ANKRD16: variants seen among roughly 807,000 people sequenced by gnomAD.
ANKRD16 encodes the protein ankyrin repeat domain-containing protein 16.
Under a neutral mutation model 37.9 loss-of-function variants are expected in ANKRD16, and 35 were observed. The ratio of observed to expected loss-of-function variants is 0.92; its 90% CI spans 0.71 to 1.23. The LOEUF (loss-of-function observed/expected upper bound fraction) is 1.23, where lower values mean the gene tolerates loss of function less well. Among genes scored for constraint, ANKRD16 ranks in the 50% most tolerant of loss-of-function variants. ANKRD16 has a pLI of 0.00. For missense variants in ANKRD16, 480 were observed against 469.9 expected (o/e 1.02, Z -0.20); for synonymous variants, 206 against 197.2 (o/e 1.04, Z -0.37).
intron 7 of ANKRD16, among the ~76,000 whole-genome samples, chr10:5,867,441 G>T (rs1367374426): frequency 1.3e-5 from 2 of 152,194 alleles, no homozygotes; most frequent in African/African-American, 4.8e-5. Flanking sequence ...TTGGCACTCA[G>T]CCAAACTTTA....
At chr10:5,872,428 G>A (rs1409091765) in intron 7 of ANKRD16, among the ~76,000 whole-genome samples, 1 of 152,052 alleles carries the variant, frequency 6.6e-6, no homozygotes, top group East Asian at 1.9e-4. Flanking sequence ...GCAGTGAGCC[G>A]AGATTACGCC....
rs930739182 is a variant in ANKRD16 at position 5,870,460 on chromosome 10, A to G, written c.*33+7637T>C. On this transcript the variant is annotated intron_variant, in intron 7 of 7. Coordinates refer to ENST00000380094, the MANE Select transcript of ANKRD16 (RefSeq NM_019046.3). The surrounding 1 kb of genome is among the most constrained non-coding windows in gnomAD (Gnocchi z 5.0). ...GCTCTGTCACCCAGGCTGGAATACA[A>G]AAGTGCAATCATAGCTCACTGCAGC... 3.3e-5 allele frequency among the ~76,000 whole-genome samples: 5 copies of G among 151,526 alleles called. No individual in the cohort carries two copies. Among genetic ancestry groups the G allele is most frequent in the Admixed American group, 2.0e-4 (3 of 15,232 alleles).
Position 5,889,438 on chromosome 10 carries a change from A to G in ANKRD16, c.-84T>C. 9.9e-7 allele frequency: 1 copy of G among 1,007,722 alleles called. No individual in the cohort carries two copies. 62.4% of individuals were successfully genotyped at this position (1,007,722 alleles called of 1,614,324 possible). A position where few individuals can be genotyped will look rare whatever the true frequency, so the allele number is the denominator to read the frequency against. ...CAGGGAGAAGCCGAGGGCGAGTGGG[A>G]CTTTCCGCCTCTTCACGCAACCTGC... On this transcript the variant is annotated 5_prime_UTR_variant, in exon 1 of 8. Coordinates refer to ENST00000380094, the MANE Select transcript of ANKRD16 (RefSeq NM_019046.3).
At chr10:5,886,275 C>A (rs992374794) in intron 2 of ANKRD16, among the ~76,000 whole-genome samples, 17 of 152,160 alleles carry the variant, frequency 1.1e-4, no homozygotes, top group African/African-American at 3.6e-4. Context: ...TTTCTACTTA[C>A]TTAAGAAGTT....
rs975222646 is a variant in ANKRD16 at position 5,871,808 on chromosome 10, A to G, written c.*33+6289T>C. On this transcript the variant is annotated intron_variant, in intron 7 of 7. Coordinates refer to ENST00000380094, the MANE Select transcript of ANKRD16 (RefSeq NM_019046.3). This position sits in a 1 kb window ranked among gnomAD's most constrained non-coding sequence, Gnocchi z 4.5. ...CTTTCCCAGTCTGTAAACATGCCAC[A>G]TGCTCATCCCCTCACTCACCCTCTC... Among the ~76,000 whole-genome samples the G allele has an allele frequency of 5.3e-5, 8 of 151,984 alleles. No homozygotes were observed. Among genetic ancestry groups the G allele is most frequent in the African/African-American group, 1.9e-4 (8 of 41,356 alleles).
At chr10:5,879,327 A>G (rs1412723528) in intron 6 of ANKRD16, among the ~76,000 whole-genome samples, 1 of 152,102 alleles carries the variant, frequency 6.6e-6, no homozygotes, top group Non-Finnish European at 1.5e-5. Flanking sequence ...TACAAAAATT[A>G]GCTGGGCATG....
In ANKRD16 at chr10:5,863,524, C is replaced by T. The variant is rs1364131648; in HGVS notation, c.*34-833G>A. 6.6e-6 allele frequency among the ~76,000 whole-genome samples: 1 copy of T among 152,078 alleles called. No homozygotes were observed. Among genetic ancestry groups the T allele is most frequent in the Non-Finnish European group, 1.5e-5 (1 of 68,026 alleles). On this transcript the variant is annotated intron_variant, in intron 7 of 7. Transcript: ENST00000380094. The surrounding 1 kb of genome is among the most constrained non-coding windows in gnomAD (Gnocchi z 4.7). ...ACGCTGTAAAGTGGACCAATCAGCA[C>T]TCTGTAAAATGGACCAATCAGCAGG...
Position 5,863,810 on chromosome 10 carries a change from A to G in ANKRD16, c.*34-1119T>C, listed in dbSNP as rs1467311203. ...CAACTCTGGATGCACCATCTTTAAG[A>G]CTGTAACACTCACTGCGAGGTCCAC... On this transcript the variant is annotated intron_variant, in intron 7 of 7. Transcript: ENST00000380094. The surrounding 1 kb of genome is among the most constrained non-coding windows in gnomAD (Gnocchi z 4.7). Among the ~76,000 whole-genome samples, 1 of 152,142 alleles carries G rather than the reference A, an allele frequency of 6.6e-6. No homozygotes were observed. The highest frequency in any genetic ancestry group is 6.5e-5 in the Admixed American group (1 of 15,280).
Position 5,879,934 on chromosome 10 carries a change from A to G in ANKRD16, c.928+364T>C, listed in dbSNP as rs1165951684. Among the ~76,000 whole-genome samples the G allele has an allele frequency of 2.0e-5, 3 of 152,192 alleles. No individual in the cohort carries two copies. In the East Asian group the frequency reaches 5.8e-4, roughly 29 times the overall value. ...AGCACTTTGGGAGGCCAAGGCAGGT[A>G]GATTGTTTGAGGTCAGGAGTTCAAG... On this transcript the variant is annotated intron_variant, in intron 6 of 7. Transcript: ENST00000380094.
At chr10:5,888,762 G>A (rs1457988702) in intron 1 of ANKRD16, among the ~76,000 whole-genome samples, 3 of 152,220 alleles carry the variant, frequency 2.0e-5, no homozygotes, top group Non-Finnish European at 4.4e-5. Context: ...TCATTGTTTG[G>A]TAACATTCTC....
At position 5,863,122 on chromosome 10, in the gene ANKRD16, TC is replaced by T. The variant is rs1485354345; in HGVS notation, c.*34-432del. On this transcript the variant is annotated intron_variant, in intron 7 of 7. Coordinates refer to ENST00000380094, the MANE Select transcript of ANKRD16 (RefSeq NM_019046.3). The surrounding 1 kb of genome is among the most constrained non-coding windows in gnomAD (Gnocchi z 4.7). ...CTCCATGGGCTTTCAACACGAGGCCTCCCCAACGCAGTGTCCACACCAGCAT... is the reference window on the plus strand; with the variant it reads ...CTCCATGGGCTTTCAACACGAGGCCTCCCAACGCAGTGTCCACACCAGCAT... 1.3e-5 allele frequency among the ~76,000 whole-genome samples: 2 copies of T among 151,880 alleles called. No individual in the cohort carries two copies. The highest frequency in any genetic ancestry group is 2.9e-5 in the Non-Finnish European group (2 of 67,992).
chr10:5,880,094 G>A (rs1842264801), intron 6 of ANKRD16, among the ~76,000 whole-genome samples: 1 of 148,452 alleles, frequency 6.7e-6, no homozygotes, highest in African/African-American at 2.5e-5. Flanking sequence ...GGAGGTGGAT[G>A]TTGCAGAGAG....
chr10:5,871,042 C>G lies in ANKRD16; in HGVS notation c.*33+7055G>C, dbSNP rs114492447. On this transcript the variant is annotated intron_variant, in intron 7 of 7. Coordinates refer to ENST00000380094, the MANE Select transcript of ANKRD16 (RefSeq NM_019046.3). The surrounding 1 kb of genome is among the most constrained non-coding windows in gnomAD (Gnocchi z 4.5). ...GCCAATCAAGTCCCTGTCGTCACCA[C>G]GATTGGCAGAGGCCAGCCCTCACTC... 6.6e-6 allele frequency among the ~76,000 whole-genome samples: 1 copy of G among 152,196 alleles called. No homozygotes were observed. The highest frequency in any genetic ancestry group is 6.5e-5 in the Admixed American group (1 of 15,288).
chr10:5,877,765 C>T (rs973305090), intron 7 of ANKRD16, among the ~76,000 whole-genome samples: 3 of 152,184 alleles, frequency 2.0e-5, no homozygotes, highest in African/African-American at 7.2e-5. Flanking sequence ...TAAGATATTT[C>T]ATATGTTTGT....
chr10:5,889,506 G>T lies in ANKRD16; in HGVS notation c.-152C>A. The stretch of plus-strand genomic sequence containing the variant: ...CGGCAGAACCGCCCCTCACGCCCCC[G>T]GCTTTGTCCCCGGCAGAGCCGCCTC... On this transcript the variant is annotated 5_prime_UTR_variant, in exon 1 of 8. Coordinates refer to ENST00000380094, the MANE Select transcript of ANKRD16 (RefSeq NM_019046.3). The T allele has an allele frequency of 2.2e-6, 1 of 454,698 alleles. No homozygotes were observed. Among genetic ancestry groups the T allele is most frequent in the Non-Finnish European group, 3.2e-6 (1 of 313,040 alleles). 28.2% of individuals were successfully genotyped at this position (454,698 alleles called of 1,614,324 possible). A position where few individuals can be genotyped will look rare whatever the true frequency, so the allele number is the denominator to read the frequency against.
rs982149688 is a variant in ANKRD16, at chr10:5,863,256, G to T, written c.*34-565C>A. Reference sequence around the variant, plus strand: ...GCCAGAAGAATCAGTCCTCCAGATGGGTGGGCAGCACTGGGCCTGAGGTGA... The same window carrying T: ...GCCAGAAGAATCAGTCCTCCAGATGTGTGGGCAGCACTGGGCCTGAGGTGA... On this transcript the variant is annotated intron_variant, in intron 7 of 7. Coordinates refer to ENST00000380094, the MANE Select transcript of ANKRD16 (RefSeq NM_019046.3). This position sits in a 1 kb window ranked among gnomAD's most constrained non-coding sequence, Gnocchi z 4.7. 3.9e-5 allele frequency among the ~76,000 whole-genome samples: 6 copies of T among 151,958 alleles called. No individual in the cohort carries two copies. Among genetic ancestry groups the T allele is most frequent in the African/African-American group, 1.5e-4 (6 of 41,348 alleles).
intron 5 of ANKRD16, chr10:5,882,588 GA>G (rs1311687913): frequency 6.5e-6 from 1 of 153,966 alleles, no homozygotes. Context: ...CTTTTCCAGT[GA>G]AAATGTTTGC....
rs1358485550 is a variant in ANKRD16 at position 5,869,946 on chromosome 10, G to C, written c.*34-7255C>G. On this transcript the variant is annotated intron_variant, in intron 7 of 7. Transcript: ENST00000380094. The surrounding 1 kb of genome is among the most constrained non-coding windows in gnomAD (Gnocchi z 4.0). ...TATCCAGTAGGTAGTTTTTTTGACT[G>C]GCCCCCGCACCCCTGGACTCTCTCC... Among the ~76,000 whole-genome samples, 1 of 151,884 alleles carries C rather than the reference G, an allele frequency of 6.6e-6. No individual in the cohort carries two copies. Among genetic ancestry groups the C allele is most frequent in the African/African-American group, 2.4e-5 (1 of 41,340 alleles).
At chr10:5,884,161 G>A in intron 3 of ANKRD16, 84 bp from the exon 4 acceptor site, 1 of 1,005,996 alleles carries the variant, frequency 9.9e-7, no homozygotes, top group Non-Finnish European at 1.5e-6. Context: ...ACCTGCAGGT[G>A]AACTGCGTGT....
Sources: gnomAD v4.1 joint callset for allele counts (sites outside exome capture counted in the v4.1 genomes callset) on GRCh38, gnomAD v4.1.1 for gene constraint, Gnocchi (gnomAD v3.1) non-coding constraint, MANE v1.5 for transcripts, NCBI Gene and HGNC (gene_info 2026-07-23, HGNC 2026-07-21) for gene names.